The following CNTNAP2 variants were observed in gnomAD, a reference collection of about 807,000 sequenced individuals.
The protein encoded by CNTNAP2 is contactin associated protein 2.
CNTNAP2 carries 98 observed loss-of-function variants against 155.2 expected under a neutral mutation model. That is an observed-to-expected ratio of 0.63 (90% CI 0.54 to 0.75). The LOEUF (loss-of-function observed/expected upper bound fraction) is 0.75. Ranked by LOEUF, CNTNAP2 falls within the 30% of genes least tolerant of loss-of-function variation. The pLI is 0.00. For missense variants in CNTNAP2, 1,727 were observed against 1,688.1 expected, an observed-to-expected ratio of 1.02 and a Z score of -0.40; for synonymous variants, 651 against 631.2, an observed-to-expected ratio of 1.03 and a Z score of -0.47.
At chr7:146,839,017 A>C (rs1205415292) in intron 2 of CNTNAP2, among the ~76,000 whole-genome samples, 3 of 152,124 alleles carry the variant, frequency 2.0e-5, no homozygotes, top group Non-Finnish European at 4.4e-5. Flanking sequence ...TTTTCTAACA[A>C]ATGTTTTTAC....
At chr7:146,864,343 C>T (rs772125284) in intron 3 of CNTNAP2, among the ~76,000 whole-genome samples, 7 of 151,902 alleles carry the variant, frequency 4.6e-5, no homozygotes, top group Non-Finnish European at 1.0e-4. Flanking sequence ...ATTATGGCAA[C>T]AGATATAAAA....
intron 10 of CNTNAP2, among the ~76,000 whole-genome samples, chr7:147,463,958 TAAAAAA>T (rs34032978): frequency 1.2e-5 from 1 of 82,968 alleles, no homozygotes; most frequent in African/African-American, 4.9e-5. Context: ...GCCCCACTAC[TAAAAAA>T]AAAAAAAAAA....
chr7:147,288,920 C>T (rs1805241155), intron 8 of CNTNAP2, among the ~76,000 whole-genome samples: 1 of 152,126 alleles, frequency 6.6e-6, no homozygotes, highest in African/African-American at 2.4e-5. Context: ...TTTATACATA[C>T]ATGTACTTTG....
intron 13 of CNTNAP2, among the ~76,000 whole-genome samples, chr7:147,861,045 C>T (rs774325023): frequency 2.0e-5 from 3 of 152,168 alleles, no homozygotes; most frequent in Non-Finnish European, 2.9e-5. Flanking sequence ...CTTAATATCA[C>T]CCCAGCTGCT....
chr7:148,315,393 G>A (rs150371652), intron 21 of CNTNAP2, among the ~76,000 whole-genome samples: 2,457 of 152,234 alleles, frequency 0.016, 57 homozygotes, highest in African/African-American at 0.056. Flanking sequence ...GTTCTCTGGC[G>A]GGCAGGAGTG....
chr7:148,405,420 A>ATT lies in CNTNAP2; in HGVS notation c.3716-3946_3716-3945dup, dbSNP rs36020816. 3.2e-3 allele frequency among the ~76,000 whole-genome samples: 203 copies of ATT among 64,306 alleles called. 47 individuals carry two copies. Among genetic ancestry groups the ATT allele is most frequent in the African/African-American group, 0.013 (162 of 12,652 alleles). 42.2% of individuals were successfully genotyped at this position (64,306 alleles called of 152,430 possible). On this transcript the variant is annotated intron_variant, in intron 22 of 23. Transcript: ENST00000361727. ...TCAAGGGAACCAGATTACCATTGTAATTTTTTTTTTTTTTTTTTTTTTTTT... is the reference window on the plus strand; with the variant it reads ...TCAAGGGAACCAGATTACCATTGTAATTTTTTTTTTTTTTTTTTTTTTTTTTT...
Position 148,147,551 on chromosome 7 carries a change from G to C in CNTNAP2, c.2615G>C (p.Arg872Thr). 1 of 1,614,096 alleles carries C rather than the reference G, an allele frequency of 6.2e-7. No individual in the cohort carries two copies. The highest frequency in any genetic ancestry group is 1.6e-4 in the Middle Eastern group (1 of 6,062). ...VGNGPVEIVV[R>T]SPTPLNDDQW... is the part of the protein sequence containing the mutation. ...AATGGGCCAGTAGAGATTGTAGTGA[G>C]GTCACCAACCCCTCTCAACGATGAC... The change falls in exon 17 of 24, where the codon AGG becomes ACG. Residue 872 changes from arginine to threonine, a missense_variant. By Grantham distance (71) the Arg-to-Thr change is moderately conservative. Coordinates refer to ENST00000361727, the MANE Select transcript of CNTNAP2 (RefSeq NM_014141.6).
intron 13 of CNTNAP2, among the ~76,000 whole-genome samples, chr7:147,847,995 T>C (rs914869697): frequency 7.7e-6 from 1 of 129,240 alleles, no homozygotes; most frequent in African/African-American, 2.9e-5. Flanking sequence ...CACTGCTCTC[T>C]TCAAAGCTGT....
chr7:147,791,065 T>C (rs1031401264), intron 13 of CNTNAP2, among the ~76,000 whole-genome samples: 1 of 152,234 alleles, frequency 6.6e-6, no homozygotes, highest in Non-Finnish European at 1.5e-5. Flanking sequence ...AAATGTCATC[T>C]GTTATTTCTA....
At chr7:146,928,817 C>A (rs184555586) in intron 3 of CNTNAP2, among the ~76,000 whole-genome samples, 2 of 152,194 alleles carry the variant, frequency 1.3e-5, no homozygotes, top group African/African-American at 2.4e-5. Flanking sequence ...CCTACGCCCA[C>A]GGAGTCTCGC....
At chr7:148,083,743 G>C (rs1007157930) in intron 15 of CNTNAP2, among the ~76,000 whole-genome samples, 2 of 152,170 alleles carry the variant, frequency 1.3e-5, no homozygotes, top group Non-Finnish European at 2.9e-5. Flanking sequence ...TGGGGACGCA[G>C]GAGTCTTTGG....
intron 1 of CNTNAP2, among the ~76,000 whole-genome samples, chr7:146,558,263 T>C (rs1452404303): frequency 6.6e-6 from 1 of 152,056 alleles, no homozygotes; most frequent in Non-Finnish European, 1.5e-5. Flanking sequence ...CGTGGTATCT[T>C]AGCAAGTCCA....
intron 1 of CNTNAP2, among the ~76,000 whole-genome samples, chr7:146,324,397 A>G (rs1357030825): frequency 6.6e-6 from 1 of 152,224 alleles, no homozygotes; most frequent in Admixed American, 6.5e-5. Flanking sequence ...ATGAAGGTAC[A>G]TAAATAGACA....
At chr7:148,275,614 T>C (rs969550498) in intron 21 of CNTNAP2, among the ~76,000 whole-genome samples, 1 of 152,232 alleles carries the variant, frequency 6.6e-6, no homozygotes, top group Admixed American at 6.5e-5. Context: ...GCCTCATTCA[T>C]GTGGCTGGCA....
chr7:146,962,582 G>T (rs1047641911), intron 3 of CNTNAP2, among the ~76,000 whole-genome samples: 1 of 152,082 alleles, frequency 6.6e-6, no homozygotes, highest in Non-Finnish European at 1.5e-5. Context: ...ACAGAGTCTC[G>T]CTCTGTTTCC....
At chr7:147,325,246 G>A (rs1795431426) in intron 9 of CNTNAP2, among the ~76,000 whole-genome samples, 1 of 152,160 alleles carries the variant, frequency 6.6e-6, no homozygotes, top group African/African-American at 2.4e-5. Context: ...GTTGCAGTGA[G>A]CCGAGATCGC....
intron 9 of CNTNAP2, among the ~76,000 whole-genome samples, chr7:147,370,054 A>C (rs1180257330): frequency 6.6e-6 from 1 of 152,146 alleles, no homozygotes; most frequent in African/African-American, 2.4e-5. Flanking sequence ...CCCCAAACAC[A>C]GTAACATCTT....
intron 1 of CNTNAP2, among the ~76,000 whole-genome samples, chr7:146,240,831 A>T (rs962670281): frequency 6.6e-6 from 1 of 152,316 alleles, no homozygotes; most frequent in Admixed American, 6.5e-5. Flanking sequence ...TTTGCTATAA[A>T]TATCTGAGAC....
chr7:147,216,838 G>A (rs1178226024), intron 8 of CNTNAP2, among the ~76,000 whole-genome samples: 1 of 151,886 alleles, frequency 6.6e-6, no homozygotes, highest in Non-Finnish European at 1.5e-5. Flanking sequence ...CATCTATTTA[G>A]TTTGTCCTTG....
Sources: allele counts gnomAD v4.1 joint callset (sites outside exome capture counted in the v4.1 genomes callset), GRCh38; gene constraint gnomAD v4.1.1; transcripts MANE v1.5; gene names NCBI Gene and HGNC (gene_info 2026-07-23, HGNC 2026-07-21).